TRUB1: variants seen among roughly 807,000 people sequenced by gnomAD.
TRUB1 encodes the protein pseudouridylate synthase TRUB1.
In TRUB1, 23 loss-of-function variants were observed where a neutral mutation model predicts 33.9. The ratio of observed to expected loss-of-function variants is 0.68; its 90% CI spans 0.49 to 0.96. TRUB1 has a LOEUF of 0.96. TRUB1 is among the 40% of genes least tolerant of loss of function. The pLI, the probability that TRUB1 is intolerant of heterozygous loss-of-function variation, is 0.00. For synonymous variants in TRUB1, 163 were observed against 165.4 expected (o/e 0.99, Z 0.11); for missense variants, 378 against 422.2 (o/e 0.90, Z 0.92).
intron 5 of TRUB1, 77 bp from the exon 6 acceptor site, chr10:114,972,058 T>A (rs1215783271): frequency 2.4e-5 from 36 of 1,507,454 alleles, no homozygotes; most frequent in African/African-American, 1.4e-5. Context: ...TCTGAAATTA[T>A]CATCTCCCAA....
intron 1 of TRUB1, 51 bp downstream of exon 1, chr10:114,938,590 A>G (rs1592046571): frequency 6.7e-7 from 1 of 1,484,208 alleles, no homozygotes; most frequent in African/African-American, 1.4e-5. Flanking sequence ...GCGAGAGGGG[A>G]AGCACATTAG....
chr10:114,954,220 G>A lies in TRUB1; in HGVS notation c.441+3071G>A, dbSNP rs139689646. ...TGTGTAGGATGGAGTTACGTCAAGAGTAGAAATATTTAGTTCTAGGATGGC... is the reference window on the plus strand; with the variant it reads ...TGTGTAGGATGGAGTTACGTCAAGAATAGAAATATTTAGTTCTAGGATGGC... On this transcript the variant is annotated intron_variant, in intron 3 of 7. Coordinates refer to ENST00000298746, the MANE Select transcript of TRUB1 (RefSeq NM_139169.5). Among the ~76,000 whole-genome samples the A allele has an allele frequency of 2.0e-5, 3 of 152,272 alleles. No homozygotes were observed. The East Asian group carries it at 5.8e-4, about 29-fold the overall frequency.
chr10:114,951,061 G>A, intron 2 of TRUB1, 33 bp from the exon 3 acceptor site: 1 of 1,583,160 alleles, frequency 6.3e-7, no homozygotes, highest in Non-Finnish European at 8.7e-7. Context: ...TTTCAGAACA[G>A]AGTGTCATAA....
chr10:114,975,439 G>A lies in TRUB1; in HGVS notation c.*60G>A. ...CATTTGAATCCTGTGTGCAGATGCA[G>A]AATGACAAGCTGCATTCAAAAGACA... On this transcript the variant is annotated 3_prime_UTR_variant, in exon 8 of 8. Transcript: ENST00000298746. 1 of 1,424,264 alleles carries A rather than the reference G, an allele frequency of 7.0e-7. No homozygotes were observed. The allele number at this position is 1,424,264 out of a possible 1,614,324, so 88.2% of individuals were successfully genotyped here. A position where few individuals can be genotyped will look rare whatever the true frequency, so the allele number is the denominator to read the frequency against.
At chr10:114,957,586 T>C (rs961060171) in intron 3 of TRUB1, among the ~76,000 whole-genome samples, 4 of 152,070 alleles carry the variant, frequency 2.6e-5, no homozygotes, top group African/African-American at 4.8e-5. Context: ...TAAATGGAAG[T>C]TGGGATGGAT....
At chr10:114,948,724 C>T (rs2084221727) in intron 2 of TRUB1, among the ~76,000 whole-genome samples, 1 of 152,110 alleles carries the variant, frequency 6.6e-6, no homozygotes, top group Non-Finnish European at 1.5e-5. Context: ...TCTAAGATGG[C>T]TTCTTTTAAA....
chr10:114,976,729 G>T lies in TRUB1; in HGVS notation c.*1350G>T, dbSNP rs141707421. 8.6e-5 allele frequency: 13 copies of T among 151,912 alleles called. No homozygotes were observed. The highest frequency in any genetic ancestry group is 1.8e-4 in the Non-Finnish European group (12 of 68,014). The allele number at this position is 151,912 out of a possible 1,614,324, so 9.4% of individuals were successfully genotyped here. On this transcript the variant is annotated 3_prime_UTR_variant, in exon 8 of 8. Transcript: ENST00000298746. ...AAACTCAATGTAAAATGTTATATATGCATCAGTACAGCATTTTCAACATAT... is the reference window on the plus strand; with the variant it reads ...AAACTCAATGTAAAATGTTATATATTCATCAGTACAGCATTTTCAACATAT...
intron 2 of TRUB1, among the ~76,000 whole-genome samples, chr10:114,950,011 G>A (rs113327740): frequency 0.053 from 7,808 of 148,072 alleles, 245 homozygotes; most frequent in Middle Eastern, 0.077. Flanking sequence ...CGATTCTCCT[G>A]CCTTAGCCTC....
At chr10:114,966,420 C>T (rs1018249735) in intron 4 of TRUB1, among the ~76,000 whole-genome samples, 3 of 152,042 alleles carry the variant, frequency 2.0e-5, no homozygotes, top group Admixed American at 6.6e-5. Flanking sequence ...AAGTGTTAGC[C>T]CTCCAACTTG....
intron 6 of TRUB1, 74 bp from the exon 7 acceptor site, chr10:114,974,255 T>A: frequency 9.1e-7 from 1 of 1,101,346 alleles, no homozygotes; most frequent in Non-Finnish European, 1.4e-6. Flanking sequence ...TACATTTGTT[T>A]AGGGACATCA....
Position 114,956,998 on chromosome 10 carries a change from AC to A in TRUB1, c.442-2725del, listed in dbSNP as rs1371752671. Among the ~76,000 whole-genome samples, 8 of 152,294 alleles carry A rather than the reference AC, an allele frequency of 5.3e-5. 1 individual carries two copies. On this transcript the variant is annotated intron_variant, in intron 3 of 7. Transcript: ENST00000298746. ...GTAGCTACATACAATATAATTGCAG[AC>A]CCTGGAGTGGGTTGAGACTTAGCAG... is the stretch of plus-strand genomic sequence containing the variant.
chr10:114,960,421 G>T (rs1400470588), intron 4 of TRUB1, among the ~76,000 whole-genome samples: 1 of 152,108 alleles, frequency 6.6e-6, no homozygotes, highest in Non-Finnish European at 1.5e-5. Context: ...TGCAGCAATT[G>T]CAGTTTTCTA....
intron 2 of TRUB1, among the ~76,000 whole-genome samples, chr10:114,943,930 AT>A (rs1477763736): frequency 6.7e-6 from 1 of 148,152 alleles, no homozygotes; most frequent in Non-Finnish European, 1.5e-5. Flanking sequence ...TGACCGTTTT[AT>A]TGCTTGTGAA....
At chr10:114,973,955 C>T (rs975404726) in intron 6 of TRUB1, among the ~76,000 whole-genome samples, 2 of 152,118 alleles carry the variant, frequency 1.3e-5, no homozygotes, top group South Asian at 2.1e-4. Context: ...TAACCATTTA[C>T]AACCTATTAA....
rs1276984005 is a variant in TRUB1 at position 114,977,649 on chromosome 10, A to G, written c.*2270A>G. The stretch of plus-strand genomic sequence containing the variant: ...TTATCTGTATACTTTGTTCATTTAT[A>G]TAAATAAATGTCTTAATGGTTTCTA... On this transcript the variant is annotated 3_prime_UTR_variant, in exon 8 of 8. Transcript: ENST00000298746. The G allele has an allele frequency of 6.6e-6, 1 of 152,008 alleles. No homozygotes were observed. The highest frequency in any genetic ancestry group is 1.5e-5 in the Non-Finnish European group (1 of 67,896). 9.4% of individuals were successfully genotyped at this position (152,008 alleles called of 1,614,324 possible). A position where few individuals can be genotyped will look rare whatever the true frequency, so the allele number is the denominator to read the frequency against.
chr10:114,974,409 A>G (rs373996253), intron 7 of TRUB1, 24 bp downstream of exon 7: 20 of 1,589,780 alleles, frequency 1.3e-5, no homozygotes, highest in East Asian at 4.5e-5. Context: ...TGAATTATGA[A>G]TTATCATTTA....
chr10:114,969,457 A>T (rs1013644339), intron 4 of TRUB1: 4 of 151,542 alleles, frequency 2.6e-5, no homozygotes. Flanking sequence ...AGATAAATAA[A>T]AATAAAATAT....
intron 1 of TRUB1, among the ~76,000 whole-genome samples, chr10:114,939,821 CTTTTCTT>C (rs2084177965): frequency 9.7e-6 from 1 of 103,488 alleles, no homozygotes. Flanking sequence ...CTCTGGGTTT[CTTTTCTT>C]TTTTTTTTTT....
intron 3 of TRUB1, among the ~76,000 whole-genome samples, chr10:114,955,915 T>C (rs1186980087): frequency 6.6e-6 from 1 of 152,218 alleles, no homozygotes; most frequent in Non-Finnish European, 1.5e-5. Flanking sequence ...CACATGTTTT[T>C]GGTTTGATAG....
Sources: gnomAD v4.1 joint callset for allele counts (sites outside exome capture counted in the v4.1 genomes callset) on GRCh38, gnomAD v4.1.1 for gene constraint, MANE v1.5 for transcripts, NCBI Gene and HGNC (gene_info 2026-07-23, HGNC 2026-07-21) for gene names.